The following IMMP2L variants were observed in gnomAD, a reference collection of about 807,000 sequenced individuals.
IMMP2L encodes the protein mitochondrial inner membrane protease subunit 2.
In IMMP2L, 18 loss-of-function variants were observed where a neutral mutation model predicts 19.3. The observed-to-expected ratio is 0.93, with a 90% confidence interval of 0.64 to 1.38. The LOEUF is 1.38. Among genes scored for constraint, IMMP2L ranks in the 40% most tolerant of loss-of-function variants. The probability of loss-of-function intolerance (pLI) is 0.00; values close to 1 mark genes in which losing one functional copy is unlikely to be tolerated. For missense variants in IMMP2L, 233 were observed against 218.2 expected, an observed-to-expected ratio of 1.07 and a Z score of -0.43; for synonymous variants, 76 against 73.0, an observed-to-expected ratio of 1.04 and a Z score of -0.21.
Position 111,450,898 on chromosome 7 carries a change from G to A in IMMP2L, c.239+36340C>T, listed in dbSNP as rs1410175625. Reference sequence around the variant, plus strand: ...AACAACCCCATCAAAAAGTGGGCGAGGGACATGAACAGGCACTTCTCAAAA... The same window carrying A: ...AACAACCCCATCAAAAAGTGGGCGAAGGACATGAACAGGCACTTCTCAAAA... On this transcript the variant is annotated intron_variant, in intron 3 of 5. Coordinates refer to ENST00000405709, the MANE Select transcript of IMMP2L (RefSeq NM_032549.4). Among the ~76,000 whole-genome samples the A allele has an allele frequency of 5.3e-5, 8 of 151,552 alleles. No individual in the cohort carries two copies. The East Asian group carries it at 9.7e-4, about 18-fold the overall frequency.
chr7:111,190,705 C>T (rs1305579799), intron 3 of IMMP2L, among the ~76,000 whole-genome samples: 1 of 152,018 alleles, frequency 6.6e-6, no homozygotes, highest in Non-Finnish European at 1.5e-5. Context: ...GCATAAAAAG[C>T]CACACTTTTC....
intron 4 of IMMP2L, among the ~76,000 whole-genome samples, chr7:110,926,089 A>G (rs1227212394): frequency 6.6e-6 from 1 of 152,078 alleles, no homozygotes; most frequent in Non-Finnish European, 1.5e-5. Context: ...CTAAGAGGCT[A>G]TGATACTAAA....
chr7:111,293,665 T>C (rs1393512235), intron 3 of IMMP2L, among the ~76,000 whole-genome samples: 1 of 151,954 alleles, frequency 6.6e-6, no homozygotes, highest in East Asian at 1.9e-4. Flanking sequence ...TGTAATGTAA[T>C]CTTAGCAGAG....
At chr7:110,688,734 T>G (rs1250290467) in intron 5 of IMMP2L, among the ~76,000 whole-genome samples, 1 of 152,054 alleles carries the variant, frequency 6.6e-6, no homozygotes, top group African/African-American at 2.4e-5. Flanking sequence ...TAAAGATATA[T>G]ATAGTATATT....
At chr7:110,850,687 T>TA (rs750220917) in intron 5 of IMMP2L, among the ~76,000 whole-genome samples, 1 of 147,740 alleles carries the variant, frequency 6.8e-6, no homozygotes, top group Non-Finnish European at 1.5e-5. Flanking sequence ...GGAAATATAG[T>TA]AAAAAATCAA....
chr7:111,450,589 C>G (rs1164096692), intron 3 of IMMP2L, among the ~76,000 whole-genome samples: 1 of 148,408 alleles, frequency 6.7e-6, no homozygotes, highest in Non-Finnish European at 1.5e-5. Context: ...AACGTTAGAC[C>G]TAAAACCATA....
intron 5 of IMMP2L, among the ~76,000 whole-genome samples, chr7:110,739,448 C>A (rs1200003337): frequency 6.6e-6 from 1 of 152,068 alleles, no homozygotes; most frequent in Non-Finnish European, 1.5e-5. Flanking sequence ...TTTAAAGCAA[C>A]AGCAGTTAAA....
chr7:111,550,116 C>T (rs924025066), intron 1 of IMMP2L, among the ~76,000 whole-genome samples: 6 of 151,904 alleles, frequency 3.9e-5, no homozygotes, highest in Non-Finnish European at 5.9e-5. Flanking sequence ...CTTATTCAAG[C>T]AACTATTAAA....
chr7:110,896,507 G>GTTTAGAAAA (rs1291259747), intron 4 of IMMP2L, among the ~76,000 whole-genome samples: 2 of 27,526 alleles, frequency 7.3e-5, no homozygotes, highest in African/African-American at 6.1e-4. Flanking sequence ...TGGATTGTTT[G>GTTTAGAAAA]TCTTTTTTAA....
chr7:111,342,465 G>A (rs1191259948), intron 3 of IMMP2L, among the ~76,000 whole-genome samples: 2 of 151,846 alleles, frequency 1.3e-5, no homozygotes, highest in African/African-American at 4.8e-5. Context: ...GGTGGCACGT[G>A]CCTGTAATCC....
chr7:110,929,771 G>C (rs1027086696), intron 4 of IMMP2L, among the ~76,000 whole-genome samples: 5 of 152,040 alleles, frequency 3.3e-5, no homozygotes, highest in Non-Finnish European at 5.9e-5. Context: ...ATAACAAAAA[G>C]GTTTTGCATT....
chr7:111,143,719 CCA>C (rs1206185387), intron 3 of IMMP2L, among the ~76,000 whole-genome samples: 6 of 152,090 alleles, frequency 3.9e-5, no homozygotes, highest in Non-Finnish European at 7.3e-5. Context: ...TAAATATAAA[CCA>C]CAGTCAGTGA....
At chr7:111,477,544 C>G (rs1841823146) in intron 3 of IMMP2L, among the ~76,000 whole-genome samples, 4 of 152,012 alleles carry the variant, frequency 2.6e-5, no homozygotes, top group African/African-American at 9.7e-5. Context: ...CTCCTGTCTT[C>G]TATCAGTTGA....
At chr7:111,010,147 G>C (rs1048925504) in intron 3 of IMMP2L, among the ~76,000 whole-genome samples, 1 of 152,088 alleles carries the variant, frequency 6.6e-6, no homozygotes, top group Non-Finnish European at 1.5e-5. Flanking sequence ...GAGAAACCTA[G>C]AGCAGGTAAC....
intron 3 of IMMP2L, among the ~76,000 whole-genome samples, chr7:111,153,271 G>A (rs886318102): frequency 5.9e-5 from 9 of 152,028 alleles, no homozygotes; most frequent in African/African-American, 1.9e-4. Flanking sequence ...TCAATAAAAT[G>A]TCAAAGCAAG....
chr7:110,827,605 T>C (rs1318457318), intron 5 of IMMP2L, among the ~76,000 whole-genome samples: 1 of 152,180 alleles, frequency 6.6e-6, no homozygotes, highest in Non-Finnish European at 1.5e-5. Context: ...CAGTACTTTG[T>C]ACAAAGAATT....
At chr7:111,081,507 G>A (rs944995462) in intron 3 of IMMP2L, among the ~76,000 whole-genome samples, 1 of 152,198 alleles carries the variant, frequency 6.6e-6, no homozygotes, top group Non-Finnish European at 1.5e-5. Context: ...TGTGCACAGA[G>A]GGAGTGTCCT....
rs115185437 is a variant in IMMP2L, at chr7:111,436,019, C to T, written c.239+51219G>A. ...GGATTTTCTTCAACTTATTGCCATG[C>T]ATACCAGGTGTCCTGCCAGACCTCT... On this transcript the variant is annotated intron_variant, in intron 3 of 5. Transcript: ENST00000405709. 5.1e-3 allele frequency among the ~76,000 whole-genome samples: 780 copies of T among 151,804 alleles called. 26 individuals carry two copies. Among genetic ancestry groups the T allele is most frequent in the African/African-American group, 0.018 (756 of 41,186 alleles).
chr7:111,294,830 C>T (rs955984418), intron 3 of IMMP2L, among the ~76,000 whole-genome samples: 1 of 151,858 alleles, frequency 6.6e-6, no homozygotes, highest in East Asian at 1.9e-4. Flanking sequence ...ATTTTATTTT[C>T]ATATGTAATT....
Sources: gnomAD v4.1 joint callset for allele counts (sites outside exome capture counted in the v4.1 genomes callset) on GRCh38, gnomAD v4.1.1 for gene constraint, MANE v1.5 for transcripts, NCBI Gene and HGNC (gene_info 2026-07-23, HGNC 2026-07-21) for gene names.